Variants in OSBPL1A observed in about 807,000 individuals in gnomAD.
OSBPL1A encodes the protein oxysterol-binding protein-related protein 1.
Under a neutral mutation model 137.1 loss-of-function variants are expected in OSBPL1A, and 80 were observed. That is an observed-to-expected ratio of 0.58 (90% CI 0.49 to 0.70). OSBPL1A has a LOEUF of 0.70. Ranked by LOEUF, OSBPL1A falls within the 30% of genes least tolerant of loss-of-function variation. The pLI is 0.00. For synonymous variants in OSBPL1A, 365 were observed against 389.7 expected (o/e 0.94, Z 0.75); for missense variants, 970 against 1,129.4 (o/e 0.86, Z 2.02).
chr18:24,333,009 C>T lies in OSBPL1A; in HGVS notation c.558G>A (p.Arg186=), dbSNP rs1424249269. The T allele has an allele frequency of 5.0e-6, 8 of 1,613,948 alleles. No individual in the cohort carries two copies. The highest frequency in any genetic ancestry group is 1.6e-4 in the Middle Eastern group (1 of 6,084). Residue 186 remains arginine, a synonymous_variant, in exon 7 of 28, where the codon CGG becomes CGA. Transcript: ENST00000319481. ...GNTPLHCAAY[R]AHKQCALKLL... ...GCTTTAAGGCACATTGTTTATGGGCCCGGTAAGCTGCACAATGCAAGGGTG... is the reference window on the plus strand; with the variant it reads ...GCTTTAAGGCACATTGTTTATGGGCTCGGTAAGCTGCACAATGCAAGGGTG...
At chr18:24,375,106 G>T (rs1286958212) in intron 2 of OSBPL1A, among the ~76,000 whole-genome samples, 6 of 151,964 alleles carry the variant, frequency 3.9e-5, no homozygotes, top group Non-Finnish European at 8.8e-5. Flanking sequence ...CTTGAGACCA[G>T]GAGTTCAAGA....
In OSBPL1A at chr18:24,231,067, G is replaced by A. The variant is rs541587237; in HGVS notation, c.1445-5869C>T. 3.7e-4 allele frequency among the ~76,000 whole-genome samples: 57 copies of A among 152,198 alleles called. No homozygotes were observed. In the Middle Eastern group the frequency reaches 0.017, roughly 45 times the overall value. On this transcript the variant is annotated intron_variant, in intron 16 of 27. Transcript: ENST00000319481. ...GGAGTTTGAGACTGGGCAACAGAGCGAGACCCTGTCTCTCAAAAACATTAA... is the reference window on the plus strand; with the variant it reads ...GGAGTTTGAGACTGGGCAACAGAGCAAGACCCTGTCTCTCAAAAACATTAA...
At chr18:24,377,330 A>G in intron 2 of OSBPL1A, 83 bp downstream of exon 2, 2 of 1,436,304 alleles carry the variant, frequency 1.4e-6, no homozygotes, top group Non-Finnish European at 1.8e-6. Context: ...ATTACATGAT[A>G]GATAAGAAAG....
intron 1 of OSBPL1A, among the ~76,000 whole-genome samples, chr18:24,378,343 A>G (rs1470879340): frequency 1.3e-5 from 2 of 152,266 alleles, no homozygotes; most frequent in African/African-American, 4.8e-5. Flanking sequence ...TAAAATGAAT[A>G]TAAATGCATA....
At chr18:24,245,419 C>A (rs999805551) in intron 15 of OSBPL1A, among the ~76,000 whole-genome samples, 3 of 152,152 alleles carry the variant, frequency 2.0e-5, no homozygotes, top group African/African-American at 7.2e-5. Flanking sequence ...AGAGGACCAA[C>A]AATGTTCTCA....
intron 1 of OSBPL1A, among the ~76,000 whole-genome samples, chr18:24,394,122 G>T (rs1907564251): frequency 6.6e-6 from 1 of 152,102 alleles, no homozygotes; most frequent in African/African-American, 2.4e-5. Flanking sequence ...CCACAATTAT[G>T]TGTCATCTAA....
intron 9 of OSBPL1A, 59 bp downstream of exon 9, chr18:24,318,542 A>G: frequency 7.2e-7 from 1 of 1,394,126 alleles, no homozygotes; most frequent in Non-Finnish European, 1.0e-6. Flanking sequence ...TTAAACAGAA[A>G]TAGAGCACCT....
At position 24,314,171 on chromosome 18, in the gene OSBPL1A, A is replaced by C. The variant is rs1015866567; in HGVS notation, c.969+78T>G. 1.2e-5 allele frequency: 11 copies of C among 893,128 alleles called. No individual in the cohort carries two copies. The African/African-American group carries it at 1.7e-4, about 14-fold the overall frequency. The allele number at this position is 893,128 out of a possible 1,614,324, so 55.3% of individuals were successfully genotyped here. On this transcript the variant is annotated intron_variant, in intron 12 of 27. Transcript: ENST00000319481. ...AATCAACAAGATGTTGGATGTTACC[A>C]CTGAACCTATGTTATATTCTCCGTG... is the stretch of plus-strand genomic sequence containing the variant.
chr18:24,189,326 T>C (rs1403921873), intron 18 of OSBPL1A, among the ~76,000 whole-genome samples: 1 of 152,178 alleles, frequency 6.6e-6, no homozygotes, highest in African/African-American at 2.4e-5. Flanking sequence ...TAGACCTGGG[T>C]TATAGAGAGA....
intron 17 of OSBPL1A, among the ~76,000 whole-genome samples, chr18:24,197,500 C>T (rs2087069577): frequency 6.6e-6 from 1 of 152,152 alleles, no homozygotes; most frequent in South Asian, 2.1e-4. Context: ...ATACAATTTA[C>T]ATTTTTAAGT....
intron 7 of OSBPL1A, among the ~76,000 whole-genome samples, chr18:24,327,387 C>T (rs137935202): frequency 0.02 from 2,995 of 152,124 alleles, 108 homozygotes; most frequent in African/African-American, 0.069. Flanking sequence ...AGTGAGCCAC[C>T]GCACCCAGCC....
intron 17 of OSBPL1A, among the ~76,000 whole-genome samples, chr18:24,220,992 G>A (rs189852115): frequency 6.6e-6 from 1 of 152,156 alleles, no homozygotes; most frequent in Non-Finnish European, 1.5e-5. Context: ...CATTGGCCAG[G>A]CTGGTCTTGA....
chr18:24,365,502 T>C (rs547799329), intron 4 of OSBPL1A, among the ~76,000 whole-genome samples: 2 of 151,750 alleles, frequency 1.3e-5, no homozygotes, highest in East Asian at 3.9e-4. Flanking sequence ...GAGAATTGCT[T>C]GAACCCGGGA....
chr18:24,370,806 C>G (rs1202998804), intron 2 of OSBPL1A, among the ~76,000 whole-genome samples: 2 of 152,068 alleles, frequency 1.3e-5, no homozygotes, highest in African/African-American at 4.8e-5. Flanking sequence ...TAGCCGGGAC[C>G]ACAGGCATGC....
At chr18:24,268,109 T>C (rs1159738531) in intron 15 of OSBPL1A, among the ~76,000 whole-genome samples, 1 of 152,136 alleles carries the variant, frequency 6.6e-6, no homozygotes, top group Admixed American at 6.5e-5. Context: ...AAGCTTCCTT[T>C]TTTTGTTGTT....
At chr18:24,314,189 T>A (rs777145273) in intron 12 of OSBPL1A, 60 bp downstream of exon 12, 94 of 1,149,224 alleles carry the variant, frequency 8.2e-5, no homozygotes, top group Non-Finnish European at 1.1e-4. Flanking sequence ...TATGTTATAT[T>A]CTCCGTGTCT....
intron 18 of OSBPL1A, among the ~76,000 whole-genome samples, chr18:24,191,629 T>G (rs371871798): frequency 6.6e-6 from 1 of 152,248 alleles, no homozygotes; most frequent in Non-Finnish European, 1.5e-5. Flanking sequence ...CCTTTAGTAC[T>G]AAAGTCTTAT....
At chr18:24,267,185 C>T (rs1174376801) in intron 15 of OSBPL1A, among the ~76,000 whole-genome samples, 6 of 150,536 alleles carry the variant, frequency 4.0e-5, no homozygotes, top group Non-Finnish European at 8.9e-5. Flanking sequence ...TTATGAATAC[C>T]TTTATAATAC....
intron 14 of OSBPL1A, among the ~76,000 whole-genome samples, chr18:24,291,327 C>T (rs560228310): frequency 6.6e-6 from 1 of 152,046 alleles, no homozygotes; most frequent in African/African-American, 2.4e-5. Context: ...ATTTTTAAAA[C>T]CACCAACTAA....
Sources: allele counts gnomAD v4.1 joint callset (sites outside exome capture counted in the v4.1 genomes callset), GRCh38; gene constraint gnomAD v4.1.1; transcripts MANE v1.5; gene names NCBI Gene and HGNC (gene_info 2026-07-23, HGNC 2026-07-21).